Variants in EPN1 observed in about 807,000 individuals in gnomAD.
The protein encoded by EPN1 is epsin-1.
A neutral mutation model predicts 56.9 loss-of-function variants in EPN1; 25 were observed. The ratio of observed to expected loss-of-function variants is 0.44; its 90% CI spans 0.32 to 0.61. EPN1 has a LOEUF of 0.61. EPN1 is among the 20% of genes least tolerant of loss of function. The pLI, the probability that EPN1 is intolerant of heterozygous loss-of-function variation, is 0.05. For missense variants in EPN1, 785 were observed against 823.7 expected, an observed-to-expected ratio of 0.95 and a Z score of 0.58; for synonymous variants, 411 against 361.8, an observed-to-expected ratio of 1.14 and a Z score of -1.54.
chr19:55,688,131 C>T (rs1453431045), intron 3 of EPN1, among the ~76,000 whole-genome samples: 2 of 152,106 alleles, frequency 1.3e-5, no homozygotes, highest in Non-Finnish European at 1.5e-5. Context: ...CTGTGCTCGG[C>T]GGGCCTAGGG....
chr19:55,693,592 G>A (rs897939705), intron 9 of EPN1, among the ~76,000 whole-genome samples: 5 of 152,198 alleles, frequency 3.3e-5, no homozygotes, highest in Non-Finnish European at 7.3e-5. Flanking sequence ...CGTCAGGAGT[G>A]CCCGAGGTCA....
In EPN1 at chr19:55,697,548, A is replaced by G. The variant is rs908105703; in HGVS notation, c.*2192A>G. 2 of 152,246 alleles carry G rather than the reference A, an allele frequency of 1.3e-5. No homozygotes were observed. The highest frequency in any genetic ancestry group is 4.8e-5 in the African/African-American group (2 of 41,456). 9.4% of individuals were successfully genotyped at this position (152,246 alleles called of 1,614,324 possible). On this transcript the variant is annotated 3_prime_UTR_variant, in exon 11 of 11. Coordinates refer to ENST00000270460, the MANE Select transcript of EPN1 (RefSeq NM_001130072.2). The stretch of plus-strand genomic sequence containing the variant: ...CTCCCCACCATTTCCTCATTTGGCA[A>G]AACAGAGAAGACAGGATTGAAAAAC...
rs1986975400 is a variant in EPN1, at chr19:55,697,981, G to A, written c.*2625G>A. On this transcript the variant is annotated 3_prime_UTR_variant, in exon 11 of 11. Coordinates refer to ENST00000270460, the MANE Select transcript of EPN1 (RefSeq NM_001130072.2). ...CGAGACAGGTACAGGTACCATCAGT[G>A]GATGGAAAATCACTAAGAGCAAACC... 6.6e-6 allele frequency: 1 copy of A among 151,924 alleles called. No individual in the cohort carries two copies. Among genetic ancestry groups the A allele is most frequent in the Non-Finnish European group, 1.5e-5 (1 of 68,004 alleles). 9.4% of individuals were successfully genotyped at this position (151,924 alleles called of 1,614,324 possible). A position where few individuals can be genotyped will look rare whatever the true frequency, so the allele number is the denominator to read the frequency against.
rs77857013 is a variant in EPN1 at position 55,695,933 on chromosome 19, G to C, written c.*577G>C. ...CCAGGTCAAGGGATGGCTGGGTTGAGGGTGGACTGTGCGAGGCCTGGCGGA... is the reference window on the plus strand; with the variant it reads ...CCAGGTCAAGGGATGGCTGGGTTGACGGTGGACTGTGCGAGGCCTGGCGGA... On this transcript the variant is annotated 3_prime_UTR_variant, in exon 11 of 11. Transcript: ENST00000270460. This position sits in a 1 kb window ranked among gnomAD's most constrained non-coding sequence, Gnocchi z 4.4. 0.039 allele frequency: 5,976 copies of C among 154,602 alleles called. 208 individuals are homozygous for C. The highest frequency in any genetic ancestry group is 0.15 in the South Asian group (744 of 4,950). 9.6% of individuals were successfully genotyped at this position (154,602 alleles called of 1,614,324 possible).
intron 3 of EPN1, 58 bp downstream of exon 3, chr19:55,685,703 TC>T: frequency 2.6e-6 from 4 of 1,535,576 alleles, no homozygotes; most frequent in Non-Finnish European, 3.5e-6. Context: ...CTACTGCGGC[TC>T]CCGGCACCCG....
At chr19:55,684,122 A>G (rs1195377531) in intron 2 of EPN1, among the ~76,000 whole-genome samples, 6 of 152,198 alleles carry the variant, frequency 3.9e-5, no homozygotes, top group Admixed American at 1.3e-4. Flanking sequence ...ATCTCTGATT[A>G]CACTGTAAAT....
rs1987023356 is a variant in EPN1 at position 55,699,077 on chromosome 19, C to T, written c.*3721C>T. On this transcript the variant is annotated 3_prime_UTR_variant, in exon 11 of 11. Transcript: ENST00000270460. ...TTTCATTTTTTATTTTTTTATTATA[C>T]TTTAAGTTCTAGGGTACCTATGCAC... is the stretch of plus-strand genomic sequence containing the variant. The T allele has an allele frequency of 6.6e-6, 1 of 152,148 alleles. No homozygotes were observed. Among genetic ancestry groups the T allele is most frequent in the South Asian group, 2.1e-4 (1 of 4,826 alleles). The allele number at this position is 152,148 out of a possible 1,614,324, so 9.4% of individuals were successfully genotyped here. A position where few individuals can be genotyped will look rare whatever the true frequency, so the allele number is the denominator to read the frequency against.
At position 55,694,503 on chromosome 19, in the gene EPN1, T is replaced by C; in HGVS notation, c.1265-223T>C. 2.2e-6 allele frequency: 1 copy of C among 465,094 alleles called. No individual in the cohort carries two copies. Among genetic ancestry groups the C allele is most frequent in the Non-Finnish European group, 3.7e-6 (1 of 270,432 alleles). 28.8% of individuals were successfully genotyped at this position (465,094 alleles called of 1,614,324 possible). ...GTGACACCTGCTTCTGTCATCCCTC[T>C]TGTGTTTGCTCACTGGAATCAGACC... On this transcript the variant is annotated intron_variant, in intron 9 of 10. Transcript: ENST00000270460. The surrounding 1 kb of genome is among the most constrained non-coding windows in gnomAD (Gnocchi z 4.2).
intron 2 of EPN1, among the ~76,000 whole-genome samples, chr19:55,679,887 G>A (rs1985694700): frequency 6.6e-6 from 1 of 152,204 alleles, no homozygotes; most frequent in African/African-American, 2.4e-5. Context: ...AAACCCTGGA[G>A]GTGCAGGTGA....
Position 55,694,654 on chromosome 19 carries a change from G to A in EPN1, c.1265-72G>A. 1 of 1,496,064 alleles carries A rather than the reference G, an allele frequency of 6.7e-7. No individual in the cohort carries two copies. Among genetic ancestry groups the A allele is most frequent in the Non-Finnish European group, 8.9e-7 (1 of 1,126,266 alleles). The allele number at this position is 1,496,064 out of a possible 1,614,324, so 92.7% of individuals were successfully genotyped here. ...GCTCTTTGAAGCGCCCCCTATGATG[G>A]CCTATACTGCTCCCGGGTTGGAGCC... On this transcript the variant is annotated intron_variant, in intron 9 of 10. Transcript: ENST00000270460. The surrounding 1 kb of genome is among the most constrained non-coding windows in gnomAD (Gnocchi z 4.2).
chr19:55,688,940 G>A lies in EPN1; in HGVS notation c.549G>A (p.Glu183=), dbSNP rs2122199113. The change falls in exon 4 of 11, where the codon GAG becomes GAA. Residue 183 remains glutamate (E), a synonymous_variant. Transcript: ENST00000270460. ...AGGCGTGGCCGCAGAGCAGCGGGGA[G>A]GAGGAGCTGCAGCTCCAGCTGGCCC... ...AEQAWPQSSG[E]EELQLQLALA... 1 of 1,597,782 alleles carries A rather than the reference G, an allele frequency of 6.3e-7. No homozygotes were observed. Among genetic ancestry groups the A allele is most frequent in the South Asian group, 1.1e-5 (1 of 88,364 alleles).
chr19:55,700,563 A>G lies in EPN1; in HGVS notation c.*5207A>G, dbSNP rs1411219991. The G allele has an allele frequency of 1.4e-5, 2 of 143,264 alleles. No homozygotes were observed. Among genetic ancestry groups the G allele is most frequent in the Non-Finnish European group, 2.9e-5 (2 of 68,014 alleles). 8.9% of individuals were successfully genotyped at this position (143,264 alleles called of 1,614,324 possible). On this transcript the variant is annotated 3_prime_UTR_variant, in exon 11 of 11. Coordinates refer to ENST00000270460, the MANE Select transcript of EPN1 (RefSeq NM_001130072.2). The stretch of plus-strand genomic sequence containing the variant: ...GCGTGAGCCACGGCACCCGGCCCAT[A>G]ATTACAAACTTTCTGAGGGACATCT...
In EPN1 at chr19:55,704,039, T is replaced by G. The variant is rs1234504254; in HGVS notation, c.*8683T>G. The stretch of plus-strand genomic sequence containing the variant: ...GTCCCTCGGAAACCCAGTTCCTCCG[T>G]TTCCAGGCTTCTCGCCCACACGGAG... On this transcript the variant is annotated 3_prime_UTR_variant, in exon 11 of 11. Transcript: ENST00000270460. The G allele has an allele frequency of 1.3e-5, 2 of 152,160 alleles. No individual in the cohort carries two copies. Among genetic ancestry groups the G allele is most frequent in the African/African-American group, 4.8e-5 (2 of 41,428 alleles). The allele number at this position is 152,160 out of a possible 1,614,324, so 9.4% of individuals were successfully genotyped here.
chr19:55,694,644 C>A lies in EPN1; in HGVS notation c.1265-82C>A. 3 of 1,458,348 alleles carry A rather than the reference C, an allele frequency of 2.1e-6. No homozygotes were observed. Among genetic ancestry groups the A allele is most frequent in the Non-Finnish European group, 2.7e-6 (3 of 1,105,014 alleles). 90.3% of individuals were successfully genotyped at this position (1,458,348 alleles called of 1,614,324 possible). ...TGGGCACCGGGCTCTTTGAAGCGCC[C>A]CCTATGATGGCCTATACTGCTCCCG... On this transcript the variant is annotated intron_variant, in intron 9 of 10. Transcript: ENST00000270460. This position sits in a 1 kb window ranked among gnomAD's most constrained non-coding sequence, Gnocchi z 4.2.
At chr19:55,688,371 C>T (rs1038864628) in intron 3 of EPN1, among the ~76,000 whole-genome samples, 1 of 152,094 alleles carries the variant, frequency 6.6e-6, no homozygotes, top group Non-Finnish European at 1.5e-5. Flanking sequence ...TCCTCGCTAG[C>T]CCACTCCCTA....
intron 8 of EPN1, 42 bp from the exon 9 acceptor site, chr19:55,692,909 G>A: frequency 6.2e-7 from 1 of 1,607,252 alleles, no homozygotes; most frequent in Non-Finnish European, 8.5e-7. Context: ...GGCTGAGGCG[G>A]GGCCCCAGGG....
chr19:55,681,696 T>TA (rs1207347411), intron 2 of EPN1, among the ~76,000 whole-genome samples: 1 of 152,260 alleles, frequency 6.6e-6, no homozygotes, highest in East Asian at 1.9e-4. Context: ...ATGTCCTTGA[T>TA]AAAGCTGTCT....
intron 1 of EPN1, chr19:55,676,927 A>G (rs886287884): frequency 8.7e-6 from 4 of 461,362 alleles, no homozygotes; most frequent in African/African-American, 2.0e-5. Flanking sequence ...ACTGTCTTCT[A>G]TTTCTTCTCA....
Position 55,700,678 on chromosome 19 carries a change from C to G in EPN1, c.*5322C>G, listed in dbSNP as rs1469470188. ...AGCCATCATTTACATTTGAACCACT[C>G]CTGTTTCACCTACAGCCTCCTCATG... is the stretch of plus-strand genomic sequence containing the variant. On this transcript the variant is annotated 3_prime_UTR_variant, in exon 11 of 11. Coordinates refer to ENST00000270460, the MANE Select transcript of EPN1 (RefSeq NM_001130072.2). The G allele has an allele frequency of 6.6e-6, 1 of 152,296 alleles. No homozygotes were observed. Among genetic ancestry groups the G allele is most frequent in the African/African-American group, 2.4e-5 (1 of 41,468 alleles). The allele number at this position is 152,296 out of a possible 1,614,324, so 9.4% of individuals were successfully genotyped here. A position where few individuals can be genotyped will look rare whatever the true frequency, so the allele number is the denominator to read the frequency against.
Sources: gnomAD v4.1 joint callset for allele counts (sites outside exome capture counted in the v4.1 genomes callset) on GRCh38, gnomAD v4.1.1 for gene constraint, Gnocchi (gnomAD v3.1) non-coding constraint, MANE v1.5 for transcripts, NCBI Gene and HGNC (gene_info 2026-07-23, HGNC 2026-07-21) for gene names.